Variants in SEH1L observed in about 807,000 individuals in gnomAD.
The protein encoded by SEH1L is SEH1 like nucleoporin.
A neutral mutation model predicts 49.5 loss-of-function variants in SEH1L; 18 were observed. The observed-to-expected ratio is 0.36, with a 90% CI of 0.25 to 0.54. SEH1L has a LOEUF of 0.54. Among genes scored for constraint, SEH1L ranks in the 20% least tolerant of loss-of-function variants. The pLI, the probability that SEH1L is intolerant of heterozygous loss-of-function variation, is 0.87. For missense variants in SEH1L, 404 were observed against 528.8 expected (o/e 0.76, Z 2.31); for synonymous variants, 169 against 178.1 (o/e 0.95, Z 0.41).
rs762882876 is a variant in SEH1L at position 12,955,448 on chromosome 18, T to A, written c.163-15T>A. 1 of 1,590,438 alleles carries A rather than the reference T, an allele frequency of 6.3e-7. No individual in the cohort carries two copies. Among genetic ancestry groups the A allele is most frequent in the Non-Finnish European group, 8.5e-7 (1 of 1,171,340 alleles). ...TGAGTATCTGTTCTTTTCTTTTTTT[T>A]TTTTGATTCCCCAGACACATAGTGG... On this transcript the variant is annotated splice_polypyrimidine_tract_variant and intron_variant, in intron 2 of 8. Transcript: ENST00000399892.
Position 12,987,453 on chromosome 18 carries a change from A to T in SEH1L, c.*396A>T, listed in dbSNP as rs184470119. 1.3e-3 allele frequency: 205 copies of T among 153,664 alleles called. 2 individuals carry two copies. In the Middle Eastern group the frequency reaches 0.017, roughly 13 times the overall value. The allele number at this position is 153,664 out of a possible 1,614,324, so 9.5% of individuals were successfully genotyped here. A position where few individuals can be genotyped will look rare whatever the true frequency, so the allele number is the denominator to read the frequency against. On this transcript the variant is annotated 3_prime_UTR_variant, in exon 9 of 9. Coordinates refer to ENST00000399892, the MANE Select transcript of SEH1L (RefSeq NM_001013437.2). ...TATTCTGCCTTATGAGACCTTAAAAAATGGATTTCATTTTACAGGCTAATG... is the reference window on the plus strand; with the variant it reads ...TATTCTGCCTTATGAGACCTTAAAATATGGATTTCATTTTACAGGCTAATG...
intron 4 of SEH1L, among the ~76,000 whole-genome samples, chr18:12,968,050 A>C (rs1054565338): frequency 1.3e-5 from 2 of 152,158 alleles, no homozygotes; most frequent in Admixed American, 1.3e-4. Flanking sequence ...CTCAAATATC[A>C]GTTCTTTTCG....
chr18:12,962,450 C>G, intron 3 of SEH1L, among the ~76,000 whole-genome samples: 1 of 133,236 alleles, frequency 7.5e-6, no homozygotes, highest in East Asian at 2.4e-4. Flanking sequence ...GAAGAAATTG[C>G]ATGCCTTTCT....
At chr18:12,949,539 G>A (rs1261035750) in intron 1 of SEH1L, among the ~76,000 whole-genome samples, 1 of 122,326 alleles carries the variant, frequency 8.2e-6, no homozygotes, top group African/African-American at 3.1e-5. Flanking sequence ...TGCAAGCTCC[G>A]CCTCCCGGGT....
At chr18:12,959,613 A>G (rs2031075706) in intron 3 of SEH1L, among the ~76,000 whole-genome samples, 1 of 152,240 alleles carries the variant, frequency 6.6e-6, no homozygotes, top group Non-Finnish European at 1.5e-5. Flanking sequence ...TGGATTTGAT[A>G]TGCACAACCT....
At chr18:12,984,793 G>A (rs560903005) in intron 8 of SEH1L, 2 of 154,168 alleles carry the variant, frequency 1.3e-5, no homozygotes, top group Admixed American at 1.3e-4. Flanking sequence ...ATGTGAATTT[G>A]TAAGATAAAA....
At chr18:12,971,662 A>T (rs2031709479) in intron 5 of SEH1L, 1 of 152,166 alleles carries the variant, frequency 6.6e-6, no homozygotes, top group South Asian at 1.9e-4. Flanking sequence ...AAGGTAATTG[A>T]TCTCCCAGTA....
rs113805588 is a variant in SEH1L at position 12,986,028 on chromosome 18, G to T, written c.1071-834G>T. Reference sequence around the variant, plus strand: ...ATTTTTATGGTGTTATTTATTCCATGGCTTAGCTTCCTTCAAATCAAAATT... The same window carrying T: ...ATTTTTATGGTGTTATTTATTCCATTGCTTAGCTTCCTTCAAATCAAAATT... On this transcript the variant is annotated intron_variant, in intron 8 of 8. Coordinates refer to ENST00000399892, the MANE Select transcript of SEH1L (RefSeq NM_001013437.2). The T allele has an allele frequency of 2.6e-3, 2,433 of 953,000 alleles. 41 individuals carry two copies. In the African/African-American group the frequency reaches 0.041, roughly 16 times the overall value. The allele number at this position is 953,000 out of a possible 1,614,324, so 59.0% of individuals were successfully genotyped here.
chr18:12,960,585 T>C (rs2031126044), intron 3 of SEH1L, among the ~76,000 whole-genome samples: 1 of 152,208 alleles, frequency 6.6e-6, no homozygotes, highest in South Asian at 2.1e-4. Flanking sequence ...GTATGTCTGA[T>C]TGCCTTTGCA....
intron 4 of SEH1L, among the ~76,000 whole-genome samples, 186 bp from the exon 5 acceptor site, chr18:12,970,967 T>A (rs981045254): frequency 1.3e-5 from 2 of 152,204 alleles, no homozygotes; most frequent in African/African-American, 4.8e-5. Context: ...TCAGTTCCCA[T>A]GTGTGACATT....
intron 5 of SEH1L, chr18:12,971,763 A>G (rs1438071951): frequency 2.0e-5 from 3 of 153,078 alleles, no homozygotes; most frequent in Non-Finnish European, 4.4e-5. Flanking sequence ...TAAAGAGCTT[A>G]TACCTGGGGA....
At chr18:12,979,598 G>A (rs1464560818) in intron 6 of SEH1L, among the ~76,000 whole-genome samples, 11 of 152,114 alleles carry the variant, frequency 7.2e-5, no homozygotes, top group East Asian at 1.9e-4. Flanking sequence ...CCTCCCAGAC[G>A]GGGTGGTGGC....
chr18:12,967,887 C>G (rs1015174292), intron 4 of SEH1L, among the ~76,000 whole-genome samples: 1 of 150,972 alleles, frequency 6.6e-6, no homozygotes, highest in Non-Finnish European at 1.5e-5. Flanking sequence ...GCACTCCAGC[C>G]TGGGCAACAG....
chr18:12,981,432 G>A (rs904216721), intron 6 of SEH1L, among the ~76,000 whole-genome samples: 63 of 152,202 alleles, frequency 4.1e-4, no homozygotes, highest in African/African-American at 1.5e-3. Flanking sequence ...CTGAGTGAAT[G>A]CAACTCCGTC....
intron 1 of SEH1L, among the ~76,000 whole-genome samples, 200 bp from the exon 2 acceptor site, chr18:12,951,655 T>G (rs1273209555): frequency 6.6e-6 from 1 of 152,240 alleles, no homozygotes; most frequent in Non-Finnish European, 1.5e-5. Flanking sequence ...CCTCCCAAAG[T>G]GCTGGGATTA....
At chr18:12,962,767 C>A (rs1444450801) in intron 3 of SEH1L, among the ~76,000 whole-genome samples, 1 of 152,000 alleles carries the variant, frequency 6.6e-6, no homozygotes, top group African/African-American at 2.4e-5. Flanking sequence ...GCCATCACGC[C>A]CAACTCATTT....
intron 8 of SEH1L, 66 bp from the exon 9 acceptor site, chr18:12,986,796 T>C: frequency 8.1e-7 from 1 of 1,233,628 alleles, no homozygotes; most frequent in African/African-American, 2.6e-5. Context: ...TTTTCTCTTT[T>C]TCTTGTGTTT....
At position 12,957,149 on chromosome 18, in the gene SEH1L, C is replaced by T. The variant is rs180828759; in HGVS notation, c.309+1540C>T. On this transcript the variant is annotated intron_variant, in intron 3 of 8. Coordinates refer to ENST00000399892, the MANE Select transcript of SEH1L (RefSeq NM_001013437.2). ...TCTTAGGAAATATACTGTCCTCGGC[C>T]GGGTGCGGTGGCTCACGCCTATAAT... is the stretch of plus-strand genomic sequence containing the variant. Among the ~76,000 whole-genome samples the T allele has an allele frequency of 4.0e-3, 612 of 152,226 alleles. 9 individuals carry two copies. Among genetic ancestry groups the T allele is most frequent in the South Asian group, 0.017 (80 of 4,824 alleles).
intron 4 of SEH1L, among the ~76,000 whole-genome samples, chr18:12,969,987 CTT>C (rs2031626823): frequency 6.6e-6 from 1 of 152,170 alleles, no homozygotes. Flanking sequence ...TTATAAATAA[CTT>C]ATAATTTTAT....
Sources: allele counts gnomAD v4.1 joint callset (sites outside exome capture counted in the v4.1 genomes callset), GRCh38; gene constraint gnomAD v4.1.1; transcripts MANE v1.5; gene names NCBI Gene and HGNC (gene_info 2026-07-23, HGNC 2026-07-21).